DLC1: variants seen among roughly 807,000 people sequenced by gnomAD.
DLC1 encodes rho GTPase-activating protein 7.
In DLC1, 54 loss-of-function variants were observed where a neutral mutation model predicts 140.3. The observed-to-expected ratio is 0.38, with a 90% CI of 0.31 to 0.48. The LOEUF is 0.48. Ranked by LOEUF, DLC1 falls within the 20% of genes least tolerant of loss-of-function variation. The probability of loss-of-function intolerance (pLI) is 0.96; values close to 1 mark genes in which losing one functional copy is unlikely to be tolerated. For missense variants in DLC1, 2,536 were observed against 1,907.0 expected, an observed-to-expected ratio of 1.33 and a Z score of -6.14; for synonymous variants, 986 against 728.1, an observed-to-expected ratio of 1.35 and a Z score of -5.70.
intron 5 of DLC1, among the ~76,000 whole-genome samples, chr8:13,136,237 C>G (rs1822551862): frequency 6.6e-6 from 1 of 152,114 alleles, no homozygotes; most frequent in Non-Finnish European, 1.5e-5. Flanking sequence ...TGTGCAGATA[C>G]ATTGCATGAT....
Position 13,218,998 on chromosome 8 carries a change from G to A in DLC1, c.1348+86271C>T, listed in dbSNP as rs1442681457. On this transcript the variant is annotated intron_variant, in intron 5 of 17. Coordinates refer to ENST00000276297, the MANE Select transcript of DLC1 (RefSeq NM_182643.3). ...CGTATATAACTATATAATTATATAC[G>A]AATATAATTATATAATTATATACGT... 1.1e-4 allele frequency among the ~76,000 whole-genome samples: 8 copies of A among 71,436 alleles called. 3 individuals carry two copies. Among genetic ancestry groups the A allele is most frequent in the South Asian group, 4.1e-4 (1 of 2,410 alleles). The allele number at this position is 71,436 out of a possible 152,430, so 46.9% of individuals were successfully genotyped here. A position where few individuals can be genotyped will look rare whatever the true frequency, so the allele number is the denominator to read the frequency against.
intron 2 of DLC1, among the ~76,000 whole-genome samples, chr8:13,442,776 C>T (rs1563350086): frequency 6.6e-6 from 1 of 152,196 alleles, no homozygotes; most frequent in South Asian, 2.1e-4. Flanking sequence ...CTAGTTCAAC[C>T]ATTGTGGAAG....
chr8:13,232,652 C>T lies in DLC1; in HGVS notation c.1348+72617G>A, dbSNP rs566145616. Among the ~76,000 whole-genome samples, 16 of 152,292 alleles carry T rather than the reference C, an allele frequency of 1.1e-4. 1 individual carries two copies. The South Asian group carries it at 1.7e-3, about 16-fold the overall frequency. ...CGCCTCTGCTACAGTCTTGGCATGA[C>T]AACAGAGCCCTAGCTAGAAGGATGC... is the stretch of plus-strand genomic sequence containing the variant. On this transcript the variant is annotated intron_variant, in intron 5 of 17. Coordinates refer to ENST00000276297, the MANE Select transcript of DLC1 (RefSeq NM_182643.3).
At chr8:13,421,417 T>A (rs1838316684) in intron 2 of DLC1, among the ~76,000 whole-genome samples, 1 of 152,184 alleles carries the variant, frequency 6.6e-6, no homozygotes, top group African/African-American at 2.4e-5. Context: ...TAATCTTTAA[T>A]AACCATCTGC....
At chr8:13,256,706 C>A (rs1355282649) in intron 5 of DLC1, among the ~76,000 whole-genome samples, 1 of 152,134 alleles carries the variant, frequency 6.6e-6, no homozygotes, top group East Asian at 1.9e-4. Flanking sequence ...GGGAACATCA[C>A]ACACTGGGGC....
chr8:13,274,827 C>A (rs1287772932), intron 5 of DLC1, among the ~76,000 whole-genome samples: 1 of 152,126 alleles, frequency 6.6e-6, no homozygotes, highest in African/African-American at 2.4e-5. Context: ...AGAATCTTTT[C>A]ATTTGCGGCA....
chr8:13,464,132 A>C (rs1799812354), intron 2 of DLC1, among the ~76,000 whole-genome samples: 1 of 152,206 alleles, frequency 6.6e-6, no homozygotes, highest in Non-Finnish European at 1.5e-5. Flanking sequence ...TGGAGGACAC[A>C]GAGAAACAAA....
chr8:13,486,047 C>G (rs2117140146), intron 2 of DLC1, among the ~76,000 whole-genome samples: 1 of 152,272 alleles, frequency 6.6e-6, no homozygotes, highest in Middle Eastern at 3.4e-3. Flanking sequence ...TAAAATTTAT[C>G]ATGCCTCAAT....
intron 2 of DLC1, among the ~76,000 whole-genome samples, chr8:13,474,083 C>T (rs1436633269): frequency 6.6e-6 from 1 of 152,146 alleles, no homozygotes; most frequent in African/African-American, 2.4e-5. Flanking sequence ...TTCATGGCAG[C>T]CCCTCCCATC....
At chr8:13,219,978 G>A (rs1048221509) in intron 5 of DLC1, among the ~76,000 whole-genome samples, 5 of 152,090 alleles carry the variant, frequency 3.3e-5, no homozygotes, top group Admixed American at 6.6e-5. Context: ...AGATAAATCC[G>A]TAGACACAGA....
intron 5 of DLC1, among the ~76,000 whole-genome samples, chr8:13,140,473 T>G (rs1385467304): frequency 2.6e-5 from 4 of 151,988 alleles, no homozygotes; most frequent in African/African-American, 9.7e-5. Context: ...GCTCAAGCGA[T>G]TCGCCTGCCT....
chr8:13,491,928 C>T (rs1378252901), intron 2 of DLC1, among the ~76,000 whole-genome samples: 2 of 152,184 alleles, frequency 1.3e-5, no homozygotes, highest in Non-Finnish European at 2.9e-5. Flanking sequence ...AGGTTCTAAG[C>T]ACTGCGGACA....
chr8:13,224,763 A>C (rs1728417780), intron 5 of DLC1, among the ~76,000 whole-genome samples: 1 of 152,174 alleles, frequency 6.6e-6, no homozygotes, highest in African/African-American at 2.4e-5. Flanking sequence ...CAGTGTCTAC[A>C]AGAGTGAGCG....
At chr8:13,164,417 G>C (rs915888801) in intron 5 of DLC1, among the ~76,000 whole-genome samples, 1 of 152,118 alleles carries the variant, frequency 6.6e-6, no homozygotes, top group African/African-American at 2.4e-5. Context: ...CCAAGGTAGT[G>C]TTCATGGTCC....
At chr8:13,582,779 A>G (rs1269722653) in intron 1 of DLC1, among the ~76,000 whole-genome samples, 1 of 150,358 alleles carries the variant, frequency 6.7e-6, no homozygotes, top group Non-Finnish European at 1.5e-5. Flanking sequence ...ATTCGGTTCT[A>G]TAATACTTCA....
At chr8:13,434,107 C>G (rs1839005194) in intron 2 of DLC1, among the ~76,000 whole-genome samples, 1 of 152,170 alleles carries the variant, frequency 6.6e-6, no homozygotes, top group Admixed American at 6.5e-5. Context: ...GAACTTCTGA[C>G]CTCAGGTGAT....
rs1294389777 is a variant in DLC1, at chr8:13,497,521, C to G, written c.1023+1528G>C. Among the ~76,000 whole-genome samples, 5 of 152,156 alleles carry G rather than the reference C, an allele frequency of 3.3e-5. No individual in the cohort carries two copies. In the South Asian group the frequency reaches 1.0e-3, roughly 32 times the overall value. ...GTAAATGAGATATAATTATAACTCT[C>G]AAAAGGCAACCATGCTATAGTGACA... On this transcript the variant is annotated intron_variant, in intron 2 of 17. Transcript: ENST00000276297.
chr8:13,232,850 C>T (rs1829112446), intron 5 of DLC1, among the ~76,000 whole-genome samples: 1 of 152,160 alleles, frequency 6.6e-6, no homozygotes, highest in Non-Finnish European at 1.5e-5. Context: ...TTTCTCATGA[C>T]ATTGTTTCTT....
chr8:13,537,908 C>T (rs1803343442), intron 1 of DLC1, among the ~76,000 whole-genome samples: 1 of 152,072 alleles, frequency 6.6e-6, no homozygotes, highest in Non-Finnish European at 1.5e-5. Flanking sequence ...CCCACCTCGG[C>T]CTCCCAAAGT....
Sources: gnomAD v4.1 joint callset for allele counts (sites outside exome capture counted in the v4.1 genomes callset) on GRCh38, gnomAD v4.1.1 for gene constraint, MANE v1.5 for transcripts, NCBI Gene and HGNC (gene_info 2026-07-23, HGNC 2026-07-21) for gene names.